CADM2: variants seen among roughly 807,000 people sequenced by gnomAD.
The protein encoded by CADM2 is cell adhesion molecule 2.
Under a neutral mutation model 49.8 loss-of-function variants are expected in CADM2, and 12 were observed. The observed-to-expected ratio is 0.24, with a 90% CI of 0.15 to 0.39. The LOEUF is 0.39. Among genes scored for constraint, CADM2 ranks in the 10% least tolerant of loss-of-function variants. CADM2 has a pLI of 1.00. For missense variants in CADM2, 378 were observed against 492.3 expected, an observed-to-expected ratio of 0.77 and a Z score of 2.20; for synonymous variants, 214 against 175.4, an observed-to-expected ratio of 1.22 and a Z score of -1.74.
At chr3:85,174,373 C>T (rs1241798831) in intron 1 of CADM2, among the ~76,000 whole-genome samples, 2 of 151,864 alleles carry the variant, frequency 1.3e-5, no homozygotes, top group South Asian at 2.1e-4. Flanking sequence ...TAGCGAAAAA[C>T]CCCCAGAAAA....
chr3:85,281,876 G>A (rs972008999), intron 1 of CADM2, among the ~76,000 whole-genome samples: 11 of 151,996 alleles, frequency 7.2e-5, no homozygotes, highest in African/African-American at 2.7e-4. Context: ...CTAAGGAAAG[G>A]CCTATTAGGC....
chr3:85,813,000 C>T (rs2072977753), intron 3 of CADM2, among the ~76,000 whole-genome samples: 12 of 152,108 alleles, frequency 7.9e-5, no homozygotes, highest in Admixed American at 7.9e-4. Context: ...AATAGTGCTG[C>T]AATAAACATA....
intron 5 of CADM2, among the ~76,000 whole-genome samples, chr3:85,890,091 A>T (rs1714219022): frequency 6.6e-6 from 1 of 152,130 alleles, no homozygotes; most frequent in Admixed American, 6.6e-5. Context: ...CCAAGAAAAT[A>T]ACACAAATCA....
chr3:85,090,412 T>C (rs1268498236), intron 1 of CADM2, among the ~76,000 whole-genome samples: 1 of 152,176 alleles, frequency 6.6e-6, no homozygotes, highest in Non-Finnish European at 1.5e-5. Flanking sequence ...CGTTTTTGTG[T>C]CTTGTTTTGT....
chr3:85,111,825 C>T (rs1259638884), intron 1 of CADM2, among the ~76,000 whole-genome samples: 1 of 151,846 alleles, frequency 6.6e-6, no homozygotes, highest in African/African-American at 2.4e-5. Flanking sequence ...ATGCCATCAA[C>T]TTTCAACTGT....
At chr3:85,653,263 G>C (rs2065108754) in intron 1 of CADM2, among the ~76,000 whole-genome samples, 1 of 149,430 alleles carries the variant, frequency 6.7e-6, no homozygotes, top group Admixed American at 6.8e-5. Flanking sequence ...GGGAGCCATA[G>C]GAGGGATTTA....
At chr3:85,147,148 G>A (rs2039770723) in intron 1 of CADM2, among the ~76,000 whole-genome samples, 3 of 151,650 alleles carry the variant, frequency 2.0e-5, no homozygotes, top group Admixed American at 6.6e-5. Flanking sequence ...GGTGGCGGGC[G>A]CCTGTAGTCC....
At chr3:85,713,713 C>T (rs1407663463) in intron 1 of CADM2, among the ~76,000 whole-genome samples, 3 of 152,104 alleles carry the variant, frequency 2.0e-5, no homozygotes, top group Non-Finnish European at 4.4e-5. Flanking sequence ...AACATCACAT[C>T]TAAAGAATTT....
chr3:85,085,257 T>A (rs1213370285), intron 1 of CADM2, among the ~76,000 whole-genome samples: 1 of 152,142 alleles, frequency 6.6e-6, no homozygotes, highest in Non-Finnish European at 1.5e-5. Flanking sequence ...TTCTGCTTTC[T>A]GCTTCTATGA....
intron 1 of CADM2, among the ~76,000 whole-genome samples, chr3:85,601,773 T>C (rs2063414352): frequency 6.6e-6 from 1 of 151,736 alleles, no homozygotes; most frequent in African/African-American, 2.4e-5. Context: ...TACTATGCAT[T>C]TGCAAGAGTG....
At chr3:86,026,487 A>G (rs1416285739) in intron 8 of CADM2, among the ~76,000 whole-genome samples, 1 of 152,174 alleles carries the variant, frequency 6.6e-6, no homozygotes, top group Admixed American at 6.6e-5. Flanking sequence ...AGAAAGCACT[A>G]TAGAAATTAA....
At chr3:85,761,899 G>A (rs559763640) in intron 2 of CADM2, among the ~76,000 whole-genome samples, 1 of 152,238 alleles carries the variant, frequency 6.6e-6, no homozygotes, top group Admixed American at 6.5e-5. Context: ...TCAGCTGAGG[G>A]TCGTCCAACA....
At chr3:86,009,847 T>C (rs1272292142) in intron 8 of CADM2, among the ~76,000 whole-genome samples, 1 of 151,952 alleles carries the variant, frequency 6.6e-6, no homozygotes, top group Admixed American at 6.5e-5. Context: ...TTTTGAAGTA[T>C]ATATACATTG....
At chr3:85,545,491 G>A (rs147118502) in intron 1 of CADM2, among the ~76,000 whole-genome samples, 1 of 152,182 alleles carries the variant, frequency 6.6e-6, no homozygotes, top group Admixed American at 6.5e-5. Context: ...AACTATATCT[G>A]TGTGATTCCA....
At chr3:85,254,880 C>T (rs1337362893) in intron 1 of CADM2, among the ~76,000 whole-genome samples, 1 of 152,078 alleles carries the variant, frequency 6.6e-6, no homozygotes, top group Non-Finnish European at 1.5e-5. Context: ...TGTCTCTCTC[C>T]AGTGCTTCCC....
chr3:86,016,684 A>G (rs1732275880), intron 8 of CADM2, among the ~76,000 whole-genome samples: 1 of 152,104 alleles, frequency 6.6e-6, no homozygotes, highest in Non-Finnish European at 1.5e-5. Flanking sequence ...TAATTTCTAT[A>G]ATCTTAACCT....
At chr3:85,249,143 A>G (rs1268579798) in intron 1 of CADM2, among the ~76,000 whole-genome samples, 2 of 152,224 alleles carry the variant, frequency 1.3e-5, no homozygotes, top group Admixed American at 6.5e-5. Flanking sequence ...CTATTTCTCT[A>G]TTTGATTGCA....
chr3:85,840,192 A>G (rs1052717204), intron 3 of CADM2, among the ~76,000 whole-genome samples: 8 of 151,870 alleles, frequency 5.3e-5, no homozygotes, highest in Admixed American at 2.6e-4. Context: ...GATTACTGTT[A>G]ATTTCACAGC....
chr3:85,269,682 T>C (rs1020371140), intron 1 of CADM2, among the ~76,000 whole-genome samples: 14 of 151,392 alleles, frequency 9.2e-5, no homozygotes, highest in African/African-American at 2.9e-4. Flanking sequence ...CAGATCACTA[T>C]GTTCTATGTG....
Sources: gnomAD v4.1 joint callset for allele counts (sites outside exome capture counted in the v4.1 genomes callset) on GRCh38, gnomAD v4.1.1 for gene constraint, MANE v1.5 for transcripts, NCBI Gene and HGNC (gene_info 2026-07-23, HGNC 2026-07-21) for gene names.